GPC5: variants seen among roughly 807,000 people sequenced by gnomAD.
GPC5 encodes glypican 5, also known as glypican-5.
Under a neutral mutation model 53.9 loss-of-function variants are expected in GPC5, and 47 were observed. The ratio of observed to expected loss-of-function variants is 0.87; its 90% confidence interval spans 0.69 to 1.11. GPC5 has a LOEUF of 1.11. Among genes scored for constraint, GPC5 ranks in the 50% most tolerant of loss-of-function variants. The pLI is 0.00. For synonymous variants in GPC5, 286 were observed against 263.3 expected, an observed-to-expected ratio of 1.09 and a Z score of -0.84; for missense variants, 748 against 713.1, an observed-to-expected ratio of 1.05 and a Z score of -0.56.
rs1381991817 is a variant in GPC5, at chr13:91,466,666, A to G, written c.325+17744A>G. Among the ~76,000 whole-genome samples, 4 of 152,140 alleles carry G rather than the reference A, an allele frequency of 2.6e-5. No individual in the cohort carries two copies. In the East Asian group the frequency reaches 7.8e-4, roughly 30 times the overall value. Reference sequence around the variant, plus strand: ...GTAGTGATGATAGAGAGCAGAGGAGAAAGATTCTAAGTATATTGAGAAGGA... The same window carrying G: ...GTAGTGATGATAGAGAGCAGAGGAGGAAGATTCTAAGTATATTGAGAAGGA... On this transcript the variant is annotated intron_variant, in intron 2 of 7. Coordinates refer to ENST00000377067, the MANE Select transcript of GPC5 (RefSeq NM_004466.6).
chr13:91,745,226 AGAG>A lies in GPC5; in HGVS notation c.1155-11063_1155-11061del, dbSNP rs2037021899. On this transcript the variant is annotated intron_variant, in intron 4 of 7. Transcript: ENST00000377067. Reference sequence around the variant, plus strand: ...ATAACAGGTTTAAATCACTCTTTGTAGAGGAGGATGCTTTCAGAAAGGGTGTTT... The same window carrying A: ...ATAACAGGTTTAAATCACTCTTTGTAGAGGATGCTTTCAGAAAGGGTGTTT... 4.6e-5 allele frequency among the ~76,000 whole-genome samples: 7 copies of A among 152,202 alleles called. No homozygotes were observed. In the South Asian group the frequency reaches 1.5e-3, roughly 32 times the overall value.
At chr13:92,839,935 C>G (rs141175631) in intron 7 of GPC5, among the ~76,000 whole-genome samples, 6 of 151,760 alleles carry the variant, frequency 4.0e-5, no homozygotes, top group African/African-American at 1.2e-4. Flanking sequence ...ATAGGACTCT[C>G]CAGACTACAA....
chr13:91,473,611 T>C (rs1393627421), intron 2 of GPC5, among the ~76,000 whole-genome samples: 1 of 152,176 alleles, frequency 6.6e-6, no homozygotes, highest in Non-Finnish European at 1.5e-5. Context: ...TTTTATCTCC[T>C]TCTCAGGTGA....
chr13:91,435,670 A>T (rs1049489452), intron 1 of GPC5, among the ~76,000 whole-genome samples: 9 of 152,186 alleles, frequency 5.9e-5, no homozygotes, highest in African/African-American at 1.4e-4. Flanking sequence ...TGTCTCTGCC[A>T]AGCTTTGGTA....
At chr13:91,641,337 T>A (rs2034424339) in intron 2 of GPC5, among the ~76,000 whole-genome samples, 2 of 151,490 alleles carry the variant, frequency 1.3e-5, no homozygotes, top group Non-Finnish European at 2.9e-5. Flanking sequence ...CAAAAACAAA[T>A]CAAAACAAAA....
intron 2 of GPC5, among the ~76,000 whole-genome samples, chr13:91,548,779 C>T (rs1042422431): frequency 6.6e-6 from 1 of 152,102 alleles, no homozygotes; most frequent in African/African-American, 2.4e-5. Context: ...AGAATGGGGA[C>T]CCCAGAAATA....
chr13:91,823,781 A>G (rs1170705799), intron 5 of GPC5, among the ~76,000 whole-genome samples: 1 of 152,098 alleles, frequency 6.6e-6, no homozygotes, highest in Non-Finnish European at 1.5e-5. Flanking sequence ...CTATTATAAT[A>G]TATGTAACTG....
intron 2 of GPC5, among the ~76,000 whole-genome samples, chr13:91,547,396 A>G (rs1319442541): frequency 1.3e-5 from 2 of 152,096 alleles, no homozygotes; most frequent in Non-Finnish European, 2.9e-5. Context: ...CATAAATTTA[A>G]TAACCTAGAT....
intron 7 of GPC5, among the ~76,000 whole-genome samples, chr13:92,424,235 C>A (rs1486126262): frequency 3.3e-5 from 5 of 152,070 alleles, no homozygotes; most frequent in Non-Finnish European, 7.4e-5. Flanking sequence ...CAAAAGTAAT[C>A]AAAACATTAC....
At chr13:92,037,646 G>A (rs914316091) in intron 6 of GPC5, among the ~76,000 whole-genome samples, 1 of 152,050 alleles carries the variant, frequency 6.6e-6, no homozygotes, top group Non-Finnish European at 1.5e-5. Flanking sequence ...ACTGGCACAG[G>A]GGGAGTCCTT....
At chr13:92,098,955 T>A (rs2041443435) in intron 6 of GPC5, among the ~76,000 whole-genome samples, 1 of 123,522 alleles carries the variant, frequency 8.1e-6, no homozygotes, top group South Asian at 3.4e-4. Context: ...ACTTTGTTCT[T>A]GCCTTTTTTT....
chr13:91,483,428 C>T (rs538160765), intron 2 of GPC5, among the ~76,000 whole-genome samples: 31 of 152,278 alleles, frequency 2.0e-4, no homozygotes, highest in African/African-American at 6.7e-4. Context: ...TTAATTCTAT[C>T]TAGGAATCTC....
chr13:91,633,800 A>G (rs1225104874), intron 2 of GPC5, among the ~76,000 whole-genome samples: 1 of 152,092 alleles, frequency 6.6e-6, no homozygotes, highest in Non-Finnish European at 1.5e-5. Context: ...TACTAGAGTA[A>G]GAATTTGAGT....
Position 92,438,909 on chromosome 13 carries a change from A to G in GPC5, c.1561+293920A>G, listed in dbSNP as rs141291602. Among the ~76,000 whole-genome samples, 18 of 152,260 alleles carry G rather than the reference A, an allele frequency of 1.2e-4. No individual in the cohort carries two copies. In the East Asian group the frequency reaches 3.3e-3, roughly 28 times the overall value. On this transcript the variant is annotated intron_variant, in intron 7 of 7. Coordinates refer to ENST00000377067, the MANE Select transcript of GPC5 (RefSeq NM_004466.6). ...GAAGAGAAAGTAAGCATGCTGGAAA[A>G]AATGAGTGGCTCCATTTCAAACATG...
intron 2 of GPC5, among the ~76,000 whole-genome samples, chr13:91,548,925 C>T (rs2030457309): frequency 6.6e-6 from 1 of 152,160 alleles, no homozygotes; most frequent in Non-Finnish European, 1.5e-5. Flanking sequence ...AGAAACAGAT[C>T]TTACATCCTT....
intron 7 of GPC5, chr13:92,180,677 C>A (rs73622795): frequency 0.036 from 5,561 of 156,552 alleles, 351 homozygotes; most frequent in African/African-American, 0.13. Flanking sequence ...CTTGTTCATT[C>A]TCCTAGCTAA....
At chr13:92,700,384 T>C (rs549271120) in intron 7 of GPC5, among the ~76,000 whole-genome samples, 1 of 151,938 alleles carries the variant, frequency 6.6e-6, no homozygotes, top group African/African-American at 2.4e-5. Context: ...TGGGTCTTGA[T>C]TCTTTATTCA....
At chr13:92,185,558 T>A (rs894571734) in intron 7 of GPC5, among the ~76,000 whole-genome samples, 1 of 152,158 alleles carries the variant, frequency 6.6e-6, no homozygotes, top group Non-Finnish European at 1.5e-5. Flanking sequence ...TGAATTTTTT[T>A]TTTCAACTTC....
chr13:92,145,665 C>A (rs2041862013), intron 7 of GPC5, among the ~76,000 whole-genome samples: 2 of 152,066 alleles, frequency 1.3e-5, no homozygotes, highest in Non-Finnish European at 2.9e-5. Flanking sequence ...TTGTTATCTG[C>A]ATGCATTTGT....
Sources: gnomAD v4.1 joint callset for allele counts (sites outside exome capture counted in the v4.1 genomes callset) on GRCh38, gnomAD v4.1.1 for gene constraint, MANE v1.5 for transcripts, NCBI Gene and HGNC (gene_info 2026-07-23, HGNC 2026-07-21) for gene names.